CCDC3: variants seen among roughly 807,000 people sequenced by gnomAD.
CCDC3 encodes coiled-coil domain containing 3.
In CCDC3, 24 loss-of-function variants were observed where a neutral mutation model predicts 21.4. The ratio of observed to expected loss-of-function variants is 1.12; its 90% CI spans 0.81 to 1.58. The LOEUF is 1.58. Ranked by LOEUF, CCDC3 falls within the 40% of genes most tolerant of loss-of-function variation. The probability of loss-of-function intolerance (pLI) is 0.00; values close to 1 mark genes in which losing one functional copy is unlikely to be tolerated. For missense variants in CCDC3, 425 were observed against 360.9 expected (o/e 1.18, Z -1.44); for synonymous variants, 186 against 166.0 (o/e 1.12, Z -0.93).
intron 1 of CCDC3, 149 bp from the exon 2 acceptor site, chr10:12,998,661 A>C (rs1835800433): frequency 1.5e-6 from 1 of 687,124 alleles, no homozygotes; most frequent in Admixed American, 2.9e-5. Flanking sequence ...ACTTCTAATT[A>C]TTTCTTTGTC....
intron 2 of CCDC3, among the ~76,000 whole-genome samples, chr10:12,961,269 T>G (rs1329145230): frequency 6.6e-6 from 1 of 152,142 alleles, no homozygotes; most frequent in Non-Finnish European, 1.5e-5. Context: ...ATCACAGGGT[T>G]ATTGTGAAAA....
At chr10:13,071,794 T>C (rs1314820615) in intron 4 of CCDC3, among the ~76,000 whole-genome samples, 1 of 152,142 alleles carries the variant, frequency 6.6e-6, no homozygotes, top group Non-Finnish European at 1.5e-5. Flanking sequence ...TCATCTTCAG[T>C]CTGTATCTCT....
At chr10:12,988,752 T>A (rs1459958456) in intron 2 of CCDC3, among the ~76,000 whole-genome samples, 1 of 152,230 alleles carries the variant, frequency 6.6e-6, no homozygotes, top group African/African-American at 2.4e-5. Flanking sequence ...CACTACCACG[T>A]AGGTTCAAGG....
At chr10:13,045,571 T>C (rs577775557) in intron 5 of CCDC3, among the ~76,000 whole-genome samples, 59 of 151,980 alleles carry the variant, frequency 3.9e-4, no homozygotes, top group African/African-American at 1.4e-3. Context: ...TCAGCCAAGA[T>C]TGCACCACCG....
chr10:12,979,840 C>A (rs966523671), intron 2 of CCDC3, among the ~76,000 whole-genome samples: 20 of 152,096 alleles, frequency 1.3e-4, no homozygotes, highest in African/African-American at 4.8e-4. Context: ...TTCAGCTGAC[C>A]TTCAGTAGGA....
rs1376180575 is a variant in CCDC3, at chr10:12,928,053, G to A, written c.550-29374C>T. ...ATCTGGGAGTTGTCAGGGAATGCAG[G>A]TGTGCACACCCAGGGCCTCAGCGTG... On this transcript the variant is annotated intron_variant, in intron 2 of 2. Transcript: ENST00000378825. Among the ~76,000 whole-genome samples, 3 of 152,200 alleles carry A rather than the reference G, an allele frequency of 2.0e-5. No individual in the cohort carries two copies. The East Asian group carries it at 5.8e-4, about 29-fold the overall frequency.
intron 5 of CCDC3, among the ~76,000 whole-genome samples, chr10:13,048,685 C>T (rs1371346722): frequency 2.0e-5 from 3 of 152,090 alleles, no homozygotes; most frequent in Non-Finnish European, 4.4e-5. Flanking sequence ...CTAAGTGTTA[C>T]CTCCACAAGC....
intron 5 of CCDC3, among the ~76,000 whole-genome samples, chr10:13,041,574 G>A (rs1836456917): frequency 8.0e-6 from 1 of 124,702 alleles, no homozygotes; most frequent in South Asian, 2.8e-4. Context: ...CGCCCAGGCT[G>A]GAGTGCAATG....
chr10:12,948,189 C>G (rs558987973), intron 2 of CCDC3, among the ~76,000 whole-genome samples: 44 of 152,318 alleles, frequency 2.9e-4, no homozygotes, highest in South Asian at 1.0e-3. Context: ...TGCACACACT[C>G]TCTTGCCTGC....
At chr10:12,902,369 C>G (rs1834108465) in intron 2 of CCDC3, among the ~76,000 whole-genome samples, 1 of 152,146 alleles carries the variant, frequency 6.6e-6, no homozygotes. Flanking sequence ...GGAGAACTGA[C>G]AGTATTTCTA....
At chr10:13,032,752 C>T (rs1370243080) in intron 5 of CCDC3, among the ~76,000 whole-genome samples, 6 of 152,130 alleles carry the variant, frequency 3.9e-5, no homozygotes, top group Non-Finnish European at 7.4e-5. Flanking sequence ...TTGCTTCAAA[C>T]AGAATAAAAT....
rs551540544 is a variant in CCDC3 at position 13,058,292 on chromosome 10, T to G, written c.-269-8351A>C. On this transcript the variant is annotated intron_variant, in intron 4 of 6. Coordinates refer to the CCDC3 transcript ENST00000378839. Reference sequence around the variant, plus strand: ...ACCATCAATGCTTTCCACATCGTATTCATCGCCAGTCACCTTCACTTGGCC... The same window carrying G: ...ACCATCAATGCTTTCCACATCGTATGCATCGCCAGTCACCTTCACTTGGCC... 786 of 1,364,554 alleles carry G rather than the reference T, an allele frequency of 5.8e-4. 7 individuals carry two copies. In the South Asian group the frequency reaches 6.8e-3, roughly 12 times the overall value. The allele number at this position is 1,364,554 out of a possible 1,614,324, so 84.5% of individuals were successfully genotyped here.
intron 3 of CCDC3, among the ~76,000 whole-genome samples, chr10:13,077,397 A>C (rs1370560935): frequency 6.6e-6 from 1 of 152,222 alleles, no homozygotes; most frequent in Non-Finnish European, 1.5e-5. Context: ...ATGCTCATGG[A>C]TAGGAAGAAT....
chr10:12,938,387 C>A (rs1237740680), intron 2 of CCDC3, among the ~76,000 whole-genome samples: 3 of 152,210 alleles, frequency 2.0e-5, no homozygotes, highest in Non-Finnish European at 4.4e-5. Flanking sequence ...CACTGGCTGC[C>A]ACACTTGGCT....
At chr10:12,977,149 C>T (rs1355686111) in intron 2 of CCDC3, among the ~76,000 whole-genome samples, 1 of 152,132 alleles carries the variant, frequency 6.6e-6, no homozygotes. Context: ...GTGGCGAGTG[C>T]CTGTAACCCC....
intron 3 of CCDC3, among the ~76,000 whole-genome samples, chr10:13,075,769 C>T (rs183672208): frequency 7.4e-4 from 113 of 152,170 alleles, no homozygotes; most frequent in Middle Eastern, 3.4e-3. Flanking sequence ...GGTAGGCGCA[C>T]GGGCATGGTG....
chr10:12,965,595 A>G (rs1340855214), intron 2 of CCDC3, among the ~76,000 whole-genome samples: 1 of 152,222 alleles, frequency 6.6e-6, no homozygotes, highest in Non-Finnish European at 1.5e-5. Context: ...AAAGGCAAAT[A>G]TATCTTTTCT....
intron 2 of CCDC3, among the ~76,000 whole-genome samples, chr10:12,983,710 A>C (rs144057393): frequency 2.0e-5 from 3 of 152,062 alleles, no homozygotes; most frequent in Non-Finnish European, 4.4e-5. Context: ...ACATTTTACC[A>C]AAGAGGCCGG....
intron 2 of CCDC3, among the ~76,000 whole-genome samples, chr10:12,940,652 C>T (rs1053725821): frequency 1.3e-5 from 2 of 151,722 alleles, no homozygotes; most frequent in Admixed American, 6.6e-5. Flanking sequence ...CTGGTGGTAC[C>T]GAGCAAGAAG....
Sources: gnomAD v4.1 joint callset for allele counts (sites outside exome capture counted in the v4.1 genomes callset) on GRCh38, gnomAD v4.1.1 for gene constraint, MANE v1.5 for transcripts, NCBI Gene and HGNC (gene_info 2026-07-23, HGNC 2026-07-21) for gene names.